MTOR: variants seen among roughly 807,000 people sequenced by gnomAD.
MTOR encodes the protein serine/threonine-protein kinase mTOR.
Under a neutral mutation model 319.8 loss-of-function variants are expected in MTOR, and 70 were observed. The observed-to-expected ratio is 0.22, with a 90% CI of 0.18 to 0.27. MTOR has a LOEUF of 0.27. Among genes scored for constraint, MTOR ranks in the 10% least tolerant of loss-of-function variants. MTOR has a pLI of 1.00. For synonymous variants in MTOR, 1,183 were observed against 1,211.4 expected (o/e 0.98, Z 0.49); for missense variants, 1,890 against 3,274.4 (o/e 0.58, Z 10.32).
Position 11,234,210 on chromosome 1 carries a change from C to T in MTOR, c.2264G>A (p.Arg755His), listed in dbSNP as rs1187856229. 3 of 1,613,876 alleles carry T rather than the reference C, an allele frequency of 1.9e-6. No homozygotes were observed. The highest frequency in any genetic ancestry group is 2.5e-6 in the Non-Finnish European group (3 of 1,179,958). Residue 755 changes from arginine (R) to histidine (H), a missense_variant, in exon 14 of 58, where the codon CGC (arginine) becomes CAC (histidine). By Grantham distance (29) the Arg-to-His change is conservative. Around this residue, in one of 15 missense-constraint regions of MTOR, gnomAD observed 377 missense variants for 653.9 expected, o/e 0.58. Transcript: ENST00000361445. ...GIGRIKEQSA[R>H]MLGHLVSNAP... ...ATTGGAGACCAGGTGCCCCAGCATG[C>T]GGGCACTCTGCTCTTTGATTCTTCC...
Position 11,129,674 on chromosome 1 carries a change from T to A in MTOR, c.5714+64A>T. 6.9e-7 allele frequency: 1 copy of A among 1,441,512 alleles called. No individual in the cohort carries two copies. The allele number at this position is 1,441,512 out of a possible 1,614,324, so 89.3% of individuals were successfully genotyped here. The stretch of plus-strand genomic sequence containing the variant: ...CAGGAAGGGAAAGAGGACTTTTACG[T>A]GTGACTTCTAGGTCTTGCCATTAAC... On this transcript the variant is annotated intron_variant, in intron 40 of 57. Coordinates refer to ENST00000361445, the MANE Select transcript of MTOR (RefSeq NM_004958.4). The surrounding 1 kb of genome is among the most constrained non-coding windows in gnomAD (Gnocchi z 4.7).
chr1:11,135,495 C>A (rs945567715), intron 36 of MTOR, among the ~76,000 whole-genome samples: 5 of 152,214 alleles, frequency 3.3e-5, no homozygotes, highest in Non-Finnish European at 1.5e-5. Context: ...AATAACAGTT[C>A]TCCTTATGGT....
intron 19 of MTOR, among the ~76,000 whole-genome samples, chr1:11,217,479 G>A (rs1056940307): frequency 1.4e-4 from 21 of 150,948 alleles, no homozygotes; most frequent in African/African-American, 1.7e-4. Flanking sequence ...GCAAGCTCCC[G>A]GGTTCAAGCC....
intron 52 of MTOR, 172 bp downstream of exon 52, chr1:11,114,641 G>C (rs1642069322): frequency 2.0e-6 from 2 of 1,017,138 alleles, no homozygotes; most frequent in Non-Finnish European, 2.9e-6. Flanking sequence ...GAAGTGAAGT[G>C]GTAAGCCTTT....
Position 11,106,930 on chromosome 1 carries a change from C to T in MTOR, c.*555G>A, listed in dbSNP as rs1349951878. 1.5e-6 allele frequency: 2 copies of T among 1,369,942 alleles called. No individual in the cohort carries two copies. Among genetic ancestry groups the T allele is most frequent in the Admixed American group, 4.3e-5 (2 of 46,030 alleles). The allele number at this position is 1,369,942 out of a possible 1,614,324, so 84.9% of individuals were successfully genotyped here. ...ATCACTGGGTCTGATGGAAGACAGA[C>T]CTTTTGTACTCATTTTGGCCTATCT... On this transcript the variant is annotated 3_prime_UTR_variant, in exon 58 of 58. Transcript: ENST00000361445.
Position 11,210,848 on chromosome 1 carries a change from T to C in MTOR, c.3620A>G (p.Gln1207Arg), listed in dbSNP as rs945842584. Residue 1207 changes from glutamine to arginine, a missense_variant, in exon 24 of 58, where the codon CAG (glutamine) becomes CGG (arginine). This residue lies in a region of MTOR where 115 missense variants were observed against 105.7 expected (regional missense o/e 1.09). Coordinates refer to ENST00000361445, the MANE Select transcript of MTOR (RefSeq NM_004958.4). ...KVLVRHRINH[Q>R]RYDVLICRIV... ...TCTGCAGATGAGCACATCATAGCGCTGATGATTGATTCGGTGTCGCACCAG... is the reference window on the plus strand; with the variant it reads ...TCTGCAGATGAGCACATCATAGCGCCGATGATTGATTCGGTGTCGCACCAG... 6.2e-7 allele frequency: 1 copy of C among 1,613,932 alleles called. No individual in the cohort carries two copies. Among genetic ancestry groups the C allele is most frequent in the South Asian group, 1.1e-5 (1 of 91,050 alleles).
intron 6 of MTOR, among the ~76,000 whole-genome samples, chr1:11,251,575 C>CATAT (rs147003589): frequency 2.1e-3 from 315 of 151,928 alleles, no homozygotes; most frequent in African/African-American, 7.4e-3. Flanking sequence ...GTGTAGCTGG[C>CATAT]ATATACTAGG....
rs554264739 is a variant in MTOR at position 11,114,552 on chromosome 1, G to A, written c.7165-99C>T. 4.6e-6 allele frequency: 7 copies of A among 1,520,686 alleles called. No homozygotes were observed. The African/African-American group carries it at 8.2e-5, about 18-fold the overall frequency. The allele number at this position is 1,520,686 out of a possible 1,614,324, so 94.2% of individuals were successfully genotyped here. A position where few individuals can be genotyped will look rare whatever the true frequency, so the allele number is the denominator to read the frequency against. Reference sequence around the variant, plus strand: ...ACCCTCACTTAGGAAGCAGACACAGGCCATGTTGACGTATCAGGGTGAGAA... The same window carrying A: ...ACCCTCACTTAGGAAGCAGACACAGACCATGTTGACGTATCAGGGTGAGAA... On this transcript the variant is annotated intron_variant, in intron 52 of 57. Transcript: ENST00000361445.
At chr1:11,163,548 G>C (rs1644544891) in intron 29 of MTOR, among the ~76,000 whole-genome samples, 1 of 152,152 alleles carries the variant, frequency 6.6e-6, no homozygotes, top group Non-Finnish European at 1.5e-5. Context: ...GCACTCCTCA[G>C]CAAATGTAAA....
intron 25 of MTOR, among the ~76,000 whole-genome samples, chr1:11,206,788 G>C (rs1315535806): frequency 1.3e-5 from 2 of 152,166 alleles, no homozygotes; most frequent in Non-Finnish European, 2.9e-5. Flanking sequence ...GCCTCATCTG[G>C]TGATGCTGGT....
chr1:11,230,850 G>A (rs1356591222), intron 18 of MTOR, 75 bp downstream of exon 18: 1 of 1,596,202 alleles, frequency 6.3e-7, no homozygotes, highest in Non-Finnish European at 8.6e-7. Context: ...TCCAGCTCCA[G>A]ACTTTCTAAA....
rs2100413107 is a variant in MTOR, at chr1:11,128,035, T to C, written c.6002A>G (p.His2001Arg). The C allele has an allele frequency of 6.2e-7, 1 of 1,614,176 alleles. No individual in the cohort carries two copies. Among genetic ancestry groups the C allele is most frequent in the Non-Finnish European group, 8.5e-7 (1 of 1,180,042 alleles). The change falls in exon 43 of 58, where the codon CAC becomes CGC. Residue 2001 changes from histidine to arginine, a missense_variant. Transcript: ENST00000361445. This position sits in a 1 kb window ranked among gnomAD's most constrained non-coding sequence, Gnocchi z 5.3. ...ANKILKNMCE[H>R]SNTLVQQAMM... ...GGCCTGCTGGACCAGGGTGTTGCTG[T>C]GCTCACACATGTTCTTCAGAATCTT...
intron 28 of MTOR, chr1:11,194,801 T>C (rs951928385): frequency 1.9e-6 from 3 of 1,606,256 alleles, no homozygotes; most frequent in Admixed American, 1.7e-5. Flanking sequence ...CCTTACCTGA[T>C]GTCTGGTCTA....
chr1:11,109,806 C>A lies in MTOR; in HGVS notation c.7367-77G>T. The A allele has an allele frequency of 7.8e-7, 1 of 1,286,740 alleles. No homozygotes were observed. The allele number at this position is 1,286,740 out of a possible 1,614,324, so 79.7% of individuals were successfully genotyped here. On this transcript the variant is annotated intron_variant, in intron 54 of 57. Transcript: ENST00000361445. The surrounding 1 kb of genome is among the most constrained non-coding windows in gnomAD (Gnocchi z 4.0). ...GTTGGTGTTAGCATCTAATTCTCTA[C>A]GCACTCTATTCCTTTAACGCCTGCC...
intron 1 of MTOR, 43 bp from the exon 2 acceptor site, chr1:11,259,466 T>C (rs998828993): frequency 1.3e-6 from 2 of 1,498,064 alleles, no homozygotes; most frequent in African/African-American, 2.9e-5. Context: ...TAAGAAAGTA[T>C]GATGATAAAT....
intron 19 of MTOR, 80 bp downstream of exon 19, chr1:11,228,588 T>C (rs1355251186): frequency 6.5e-7 from 1 of 1,550,014 alleles, no homozygotes; most frequent in East Asian, 2.2e-5. Context: ...GAATGCACAA[T>C]TAAGAAGCTG....
chr1:11,110,009 A>T lies in MTOR; in HGVS notation c.7367-280T>A, dbSNP rs563564440. Among the ~76,000 whole-genome samples the T allele has an allele frequency of 2.9e-3, 441 of 152,032 alleles. 2 individuals are homozygous for T. Among genetic ancestry groups the T allele is most frequent in the African/African-American group, 9.4e-3 (391 of 41,496 alleles). On this transcript the variant is annotated intron_variant, in intron 54 of 57. Transcript: ENST00000361445. ...CTCCATTTGCAAAAAAAAAAAAAAA[A>T]ATTTTTAAATCTGTAAAGCCATTTT... is the stretch of plus-strand genomic sequence containing the variant.
intron 20 of MTOR, among the ~76,000 whole-genome samples, chr1:11,215,751 T>C (rs1252111341): frequency 6.6e-6 from 1 of 152,190 alleles, no homozygotes; most frequent in Non-Finnish European, 1.5e-5. Flanking sequence ...GCCCAACACG[T>C]GTCCATCATA....
chr1:11,236,202 T>G (rs1258799176), intron 13 of MTOR, among the ~76,000 whole-genome samples: 1 of 147,766 alleles, frequency 6.8e-6, no homozygotes, highest in Non-Finnish European at 1.5e-5. Flanking sequence ...AGTGGCACAA[T>G]CACGGCTCAC....
Sources: allele counts gnomAD v4.1 joint callset (sites outside exome capture counted in the v4.1 genomes callset), GRCh38; gene constraint gnomAD v4.1.1; regional missense constraint gnomAD v4.1.1; non-coding constraint Gnocchi (gnomAD v3.1); transcripts MANE v1.5; gene names NCBI Gene and HGNC (gene_info 2026-07-23, HGNC 2026-07-21).